The following KHDRBS2 variants were observed in gnomAD, a reference collection of about 807,000 sequenced individuals.
The protein encoded by KHDRBS2 is KH domain-containing, RNA-binding, signal transduction-associated protein 2.
Under a neutral mutation model 44.3 loss-of-function variants are expected in KHDRBS2, and 26 were observed. That is an observed-to-expected ratio of 0.59 (90% CI 0.43 to 0.81). KHDRBS2 has a LOEUF of 0.81. Among genes scored for constraint, KHDRBS2 ranks in the 40% least tolerant of loss-of-function variants. The pLI is 0.00. For synonymous variants in KHDRBS2, 194 were observed against 151.1 expected (o/e 1.28, Z -2.08); for missense variants, 476 against 433.1 (o/e 1.10, Z -0.88).
chr6:61,591,278 TCTA>T, the KHDRBS2 span, among the ~76,000 whole-genome samples: 2 of 152,248 alleles, frequency 1.3e-5, no homozygotes. Flanking sequence ...CACTTTCCCT[TCTA>T]AAAGCCAATG....
intron 8 of KHDRBS2, among the ~76,000 whole-genome samples, chr6:61,684,735 A>G (rs1444259117): frequency 6.6e-6 from 1 of 151,792 alleles, no homozygotes; most frequent in East Asian, 1.9e-4. Flanking sequence ...AAAGGTACCA[A>G]ATAACTATAC....
the KHDRBS2 span, among the ~76,000 whole-genome samples, chr6:61,614,071 C>A: frequency 6.6e-6 from 1 of 152,308 alleles, no homozygotes; most frequent in South Asian, 2.1e-4. Flanking sequence ...TTATTCGCTT[C>A]TTTAACAGCA....
chr6:61,719,217 T>G (rs1458248468), intron 7 of KHDRBS2, among the ~76,000 whole-genome samples: 1 of 152,214 alleles, frequency 6.6e-6, no homozygotes, highest in Non-Finnish European at 1.5e-5. Context: ...TTTTAACATT[T>G]CACATCCAAA....
chr6:62,102,817 C>A lies in KHDRBS2; in HGVS notation c.220-54823G>T, dbSNP rs144796315. 2.7e-3 allele frequency among the ~76,000 whole-genome samples: 408 copies of A among 152,258 alleles called. 1 individual carries two copies. The highest frequency in any genetic ancestry group is 9.5e-3 in the African/African-American group (396 of 41,544). On this transcript the variant is annotated intron_variant, in intron 2 of 8. Coordinates refer to ENST00000281156, the MANE Select transcript of KHDRBS2 (RefSeq NM_152688.4). Reference sequence around the variant, plus strand: ...GTGTCACTGCTTGCAGCTCAGCCACCCAGTAAGGAATGTGTTAACAGCTCC... The same window carrying A: ...GTGTCACTGCTTGCAGCTCAGCCACACAGTAAGGAATGTGTTAACAGCTCC...
intron 3 of KHDRBS2, among the ~76,000 whole-genome samples, chr6:62,020,904 G>A (rs529141338): frequency 1.7e-4 from 26 of 152,062 alleles, no homozygotes; most frequent in African/African-American, 1.4e-4. Flanking sequence ...AATACAAACC[G>A]TTGTATCATA....
intron 2 of KHDRBS2, among the ~76,000 whole-genome samples, chr6:62,129,381 T>C (rs548597691): frequency 6.6e-6 from 1 of 152,162 alleles, no homozygotes; most frequent in South Asian, 2.1e-4. Flanking sequence ...TGAAAAAAAG[T>C]GCAGTCATGA....
chr6:62,108,965 G>A (rs1224271245), intron 2 of KHDRBS2, among the ~76,000 whole-genome samples: 2 of 152,044 alleles, frequency 1.3e-5, no homozygotes, highest in East Asian at 3.9e-4. Flanking sequence ...AGGACGAGGG[G>A]AGGGATAGCA....
At chr6:61,814,380 G>C (rs1019983661) in intron 6 of KHDRBS2, among the ~76,000 whole-genome samples, 9 of 152,162 alleles carry the variant, frequency 5.9e-5, no homozygotes, top group Non-Finnish European at 7.3e-5. Flanking sequence ...AGGCCGAGGA[G>C]GGTGGATCAT....
intron 6 of KHDRBS2, among the ~76,000 whole-genome samples, chr6:61,892,396 A>G (rs557242686): frequency 6.6e-6 from 1 of 152,182 alleles, no homozygotes; most frequent in Non-Finnish European, 1.5e-5. Flanking sequence ...AATTGGAAAA[A>G]ACTACTTTAA....
intron 4 of KHDRBS2, among the ~76,000 whole-genome samples, chr6:61,970,471 G>A (rs745909075): frequency 1.3e-5 from 2 of 152,020 alleles, no homozygotes; most frequent in Non-Finnish European, 2.9e-5. Context: ...CATTCAAAAC[G>A]ACCAAGTTAA....
the KHDRBS2 span, among the ~76,000 whole-genome samples, chr6:61,640,763 C>T: frequency 3.9e-5 from 6 of 152,022 alleles, no homozygotes; most frequent in Admixed American, 6.6e-5. Flanking sequence ...AGAAGAAAAA[C>T]GATGTGATGA....
intron 6 of KHDRBS2, among the ~76,000 whole-genome samples, chr6:61,821,989 T>A (rs530679571): frequency 1.3e-5 from 2 of 152,098 alleles, no homozygotes; most frequent in East Asian, 3.9e-4. Flanking sequence ...TTTTCATGAA[T>A]TCCCTTGAAT....
At chr6:61,644,628 C>CT in the KHDRBS2 span, among the ~76,000 whole-genome samples, 1 of 152,086 alleles carries the variant, frequency 6.6e-6, no homozygotes, top group African/African-American at 2.4e-5. Flanking sequence ...AAAACAACCC[C>CT]TTTAAAAAGT....
At chr6:62,181,570 T>G (rs1274262492) in intron 1 of KHDRBS2, among the ~76,000 whole-genome samples, 1 of 152,014 alleles carries the variant, frequency 6.6e-6, no homozygotes, top group African/African-American at 2.4e-5. Context: ...AGGGAATCCT[T>G]GTACATTATT....
In KHDRBS2 at chr6:61,943,127, G is replaced by GAA. The variant is rs1430039321; in HGVS notation, c.483+34937_483+34938dup. 6.5e-5 allele frequency among the ~76,000 whole-genome samples: 7 copies of GAA among 107,196 alleles called. No homozygotes were observed. In the East Asian group the frequency reaches 2.2e-3, roughly 33 times the overall value. The allele number at this position is 107,196 out of a possible 152,430, so 70.3% of individuals were successfully genotyped here. A position where few individuals can be genotyped will look rare whatever the true frequency, so the allele number is the denominator to read the frequency against. On this transcript the variant is annotated intron_variant, in intron 4 of 8. Transcript: ENST00000281156. ...GAAAGAAAGAAAAGAAAAAAGAAAA[G>GAA]AAAGAAAGAAATAAAACCTGATAGC...
the KHDRBS2 span, among the ~76,000 whole-genome samples, chr6:61,601,438 C>G: frequency 7.7e-4 from 117 of 152,284 alleles, no homozygotes; most frequent in Non-Finnish European, 1.4e-3. Context: ...TTCTGCAACA[C>G]CACTTGACCC....
intron 6 of KHDRBS2, among the ~76,000 whole-genome samples, chr6:61,796,404 G>C (rs1285634655): frequency 1.3e-5 from 2 of 151,852 alleles, no homozygotes; most frequent in African/African-American, 4.8e-5. Context: ...ATATCTTTCA[G>C]TGATGTACTT....
At chr6:62,140,663 A>G (rs991033936) in intron 2 of KHDRBS2, among the ~76,000 whole-genome samples, 1 of 152,236 alleles carries the variant, frequency 6.6e-6, no homozygotes, top group Non-Finnish European at 1.5e-5. Context: ...GAGATGTTCA[A>G]AAAAACCCAG....
At chr6:62,230,207 A>C (rs1400492412) in intron 1 of KHDRBS2, among the ~76,000 whole-genome samples, 1 of 152,190 alleles carries the variant, frequency 6.6e-6, no homozygotes, top group African/African-American at 2.4e-5. Flanking sequence ...TAAAACACTA[A>C]AGCAAGAAAT....
Sources: gnomAD v4.1 joint callset for allele counts (sites outside exome capture counted in the v4.1 genomes callset) on GRCh38, gnomAD v4.1.1 for gene constraint, MANE v1.5 for transcripts, NCBI Gene and HGNC (gene_info 2026-07-23, HGNC 2026-07-21) for gene names.